The following POGZ variants were observed in gnomAD, a reference collection of about 807,000 sequenced individuals.
The protein encoded by POGZ is pogo transposable element derived with ZNF domain, also known as pogo transposable element with ZNF domain.
A neutral mutation model predicts 134.6 loss-of-function variants in POGZ; 17 were observed. The observed-to-expected ratio is 0.13, with a 90% CI of 0.09 to 0.19. The LOEUF (loss-of-function observed/expected upper bound fraction) is 0.19. Among genes scored for constraint, POGZ ranks in the 10% least tolerant of loss-of-function variants. POGZ has a pLI of 1.00. For missense variants in POGZ, 1,306 were observed against 1,769.7 expected (o/e 0.74, Z 4.70); for synonymous variants, 693 against 657.1 (o/e 1.05, Z -0.84).
At chr1:151,453,433 T>C (rs1428766086) in intron 1 of POGZ, among the ~76,000 whole-genome samples, 2 of 151,006 alleles carry the variant, frequency 1.3e-5, no homozygotes, top group Non-Finnish European at 2.9e-5. Flanking sequence ...TATATATACA[T>C]TTCTCTTTTT....
At chr1:151,412,475 T>G (rs1654839723) in intron 10 of POGZ, 79 bp from the exon 11 acceptor site, 1 of 775,724 alleles carries the variant, frequency 1.3e-6, no homozygotes. Flanking sequence ...TTATTTTCTC[T>G]GCCTCCTTTA....
chr1:151,413,711 G>C (rs969887960), intron 10 of POGZ, among the ~76,000 whole-genome samples: 2 of 150,732 alleles, frequency 1.3e-5, no homozygotes, highest in Non-Finnish European at 2.9e-5. Flanking sequence ...ACAGAGTCTC[G>C]TTCTGTCTCG....
chr1:151,450,482 A>G (rs1228665182), intron 1 of POGZ, among the ~76,000 whole-genome samples: 2 of 152,062 alleles, frequency 1.3e-5, no homozygotes, highest in Non-Finnish European at 2.9e-5. Context: ...CCTCCCAAGT[A>G]GCTGGGACTA....
intron 3 of POGZ, among the ~76,000 whole-genome samples, chr1:151,438,018 GGT>G (rs1659913558): frequency 6.6e-6 from 1 of 151,948 alleles, no homozygotes; most frequent in Non-Finnish European, 1.5e-5. Context: ...AGACCAGCCT[GGT>G]CAACACTGTG....
chr1:151,413,218 G>A (rs1654991889), intron 10 of POGZ, among the ~76,000 whole-genome samples: 1 of 150,406 alleles, frequency 6.6e-6, no homozygotes, highest in Non-Finnish European at 1.5e-5. Context: ...GAGCTCAAGC[G>A]AGCCTCCTGT....
chr1:151,438,772 C>T (rs955376986), intron 3 of POGZ, among the ~76,000 whole-genome samples: 3 of 151,736 alleles, frequency 2.0e-5, no homozygotes, highest in African/African-American at 4.8e-5. Context: ...TAGCTACTTG[C>T]GGGGCTGAGA....
intron 3 of POGZ, among the ~76,000 whole-genome samples, chr1:151,432,356 G>A (rs555794922): frequency 2.6e-5 from 4 of 152,252 alleles, no homozygotes; most frequent in African/African-American, 9.6e-5. Flanking sequence ...GTATGTAGGT[G>A]GCTACTAATG....
chr1:151,404,817 A>T lies in POGZ; in HGVS notation c.4218T>A (p.Asp1406Glu). 6.2e-7 allele frequency: 1 copy of T among 1,607,948 alleles called. No individual in the cohort carries two copies. Among genetic ancestry groups the T allele is most frequent in the Non-Finnish European group, 8.5e-7 (1 of 1,176,952 alleles). The change falls in exon 19 of 19, where the codon GAT becomes GAA. Residue 1406 changes from aspartate to glutamate, a missense_variant. Coordinates refer to ENST00000271715, the MANE Select transcript of POGZ (RefSeq NM_015100.4). ...ACCCCAACACTCAAATCTCCATCAG[A>T]TCTAGGTCAGCTTCTTCAAAGCCAT... is the stretch of plus-strand genomic sequence containing the variant. ...SFYGFEEADL[D>E]LMEI
intron 1 of POGZ, among the ~76,000 whole-genome samples, chr1:151,445,921 G>C (rs1032939559): frequency 6.6e-6 from 1 of 151,622 alleles, no homozygotes; most frequent in Non-Finnish European, 1.5e-5. Flanking sequence ...TAGTTTTCTA[G>C]TTATCAAAAG....
chr1:151,446,731 G>C (rs998173367), intron 1 of POGZ, among the ~76,000 whole-genome samples: 3 of 140,214 alleles, frequency 2.1e-5, no homozygotes, highest in Non-Finnish European at 4.6e-5. Flanking sequence ...ACTCTAGCCT[G>C]GGCGATAGAG....
rs1437566862 is a variant in POGZ at position 151,428,103 on chromosome 1, C to A, written c.859+20G>T. 1 of 1,613,698 alleles carries A rather than the reference C, an allele frequency of 6.2e-7. No homozygotes were observed. The highest frequency in any genetic ancestry group is 1.7e-5 in the Admixed American group (1 of 60,016). On this transcript the variant is annotated intron_variant, in intron 6 of 18. Transcript: ENST00000271715. Reference sequence around the variant, plus strand: ...CACCATCCCAACCTGGCTCTGCCATCTCCTCTTCCGAAGCCTTACCTAGCT... The same window carrying A: ...CACCATCCCAACCTGGCTCTGCCATATCCTCTTCCGAAGCCTTACCTAGCT...
intron 10 of POGZ, among the ~76,000 whole-genome samples, chr1:151,419,151 T>G (rs6587574): frequency 0.12 from 18,330 of 151,768 alleles, 2,459 homozygotes; most frequent in East Asian, 0.45. Context: ...GCCAGGAGTT[T>G]GAGACCAGCC....
intron 3 of POGZ, among the ~76,000 whole-genome samples, chr1:151,432,269 C>T (rs1658821794): frequency 6.6e-6 from 1 of 152,120 alleles, no homozygotes; most frequent in Admixed American, 6.6e-5. Context: ...ATGGGATGGG[C>T]CCCTCTGAAA....
At chr1:151,436,081 C>G (rs867200741) in intron 3 of POGZ, among the ~76,000 whole-genome samples, 1 of 151,802 alleles carries the variant, frequency 6.6e-6, no homozygotes, top group African/African-American at 2.4e-5. Flanking sequence ...TTCAGCCTCC[C>G]GAGTAGCTGG....
intron 3 of POGZ, among the ~76,000 whole-genome samples, chr1:151,438,833 C>T (rs139033929): frequency 2.4e-4 from 36 of 151,826 alleles, no homozygotes; most frequent in Admixed American, 1.6e-3. Context: ...GCTGTGTTCA[C>T]GCCACTGCAC....
At chr1:151,418,263 A>C (rs1656140877) in intron 10 of POGZ, among the ~76,000 whole-genome samples, 1 of 152,186 alleles carries the variant, frequency 6.6e-6, no homozygotes, top group Non-Finnish European at 1.5e-5. Flanking sequence ...TATTATAGCC[A>C]CAAAAAAGAA....
intron 3 of POGZ, among the ~76,000 whole-genome samples, chr1:151,434,260 T>C (rs779013673): frequency 9.2e-5 from 14 of 152,144 alleles, no homozygotes; most frequent in African/African-American, 3.4e-4. Context: ...TGAGCCAAGA[T>C]TGTGCCACTG....
intron 1 of POGZ, among the ~76,000 whole-genome samples, chr1:151,443,665 A>G (rs1399855847): frequency 2.0e-5 from 3 of 152,034 alleles, no homozygotes; most frequent in Non-Finnish European, 4.4e-5. Context: ...ATGAGCCACA[A>G]TTCACGCCAC....
intron 1 of POGZ, among the ~76,000 whole-genome samples, chr1:151,452,647 C>CTT (rs1662269100): frequency 6.6e-6 from 1 of 152,152 alleles, no homozygotes; most frequent in South Asian, 2.1e-4. Context: ...AGGCGGATCA[C>CTT]AAGGACAGGA....
Sources: allele counts gnomAD v4.1 joint callset (sites outside exome capture counted in the v4.1 genomes callset), GRCh38; gene constraint gnomAD v4.1.1; transcripts MANE v1.5; gene names NCBI Gene and HGNC (gene_info 2026-07-23, HGNC 2026-07-21).